Variants in SURF6 observed in about 807,000 individuals in gnomAD.
The protein encoded by SURF6 is surfeit locus protein 6.
In SURF6, 28 loss-of-function variants were observed where a neutral mutation model predicts 37.5. The observed-to-expected ratio is 0.75, with a 90% CI of 0.55 to 1.02. The LOEUF (loss-of-function observed/expected upper bound fraction) is 1.02, where lower values mean the gene tolerates loss of function less well. SURF6 is among the 50% of genes least tolerant of loss of function. The pLI is 0.00. For synonymous variants in SURF6, 248 were observed against 210.9 expected (o/e 1.18, Z -1.52); for missense variants, 560 against 490.5 (o/e 1.14, Z -1.34).
rs1835725023 is a variant in SURF6 at position 133,331,468 on chromosome 9, G to T, written c.*401C>A. On this transcript the variant is annotated 3_prime_UTR_variant, in exon 5 of 5. Coordinates refer to ENST00000372022, the MANE Select transcript of SURF6 (RefSeq NM_006753.6). ...TTCGGGTGAGCTGCGGACTAACGTG[G>T]CCCGGCAGCAGAGGCCACCGTCTTC... 5.3e-6 allele frequency: 1 copy of T among 187,126 alleles called. No individual in the cohort carries two copies. Among genetic ancestry groups the T allele is most frequent in the Non-Finnish European group, 1.1e-5 (1 of 91,968 alleles). The allele number at this position is 187,126 out of a possible 1,614,324, so 11.6% of individuals were successfully genotyped here.
Position 133,329,317 on chromosome 9 carries a change from A to G in SURF6, c.*2552T>C, listed in dbSNP as rs2129902002. On this transcript the variant is annotated 3_prime_UTR_variant, in exon 5 of 5. Coordinates refer to ENST00000372022, the MANE Select transcript of SURF6 (RefSeq NM_006753.6). ...CACAGGGAGACGGTTAGGCCTCCAG[A>G]TAACTGCGGGCAGGCCTGCCGGATG... is the stretch of plus-strand genomic sequence containing the variant. 2.8e-4 allele frequency: 48 copies of G among 172,056 alleles called. 1 individual carries two copies. Among genetic ancestry groups the G allele is most frequent in the Admixed American group, 2.3e-3 (37 of 15,956 alleles). 10.7% of individuals were successfully genotyped at this position (172,056 alleles called of 1,614,324 possible). A position where few individuals can be genotyped will look rare whatever the true frequency, so the allele number is the denominator to read the frequency against.
chr9:133,334,369 C>A, intron 2 of SURF6, 23 bp downstream of exon 2: 1 of 1,599,494 alleles, frequency 6.3e-7, no homozygotes, highest in Non-Finnish European at 8.5e-7. Context: ...TGCACAGAAC[C>A]AACATGCCCT....
rs2129934953 is a variant in SURF6 at position 133,336,173 on chromosome 9, T to A, written c.-41A>T. 4.5e-6 allele frequency: 7 copies of A among 1,555,108 alleles called. No homozygotes were observed. The East Asian group carries it at 1.2e-4, about 26-fold the overall frequency. On this transcript the variant is annotated 5_prime_UTR_variant, in exon 1 of 5. Transcript: ENST00000372022. The stretch of plus-strand genomic sequence containing the variant: ...CGTTCACGACTCACACCTTCCCCGC[T>A]GCGCGTGCGACTCTCACCACCTCCG...
chr9:133,334,125 G>A (rs1835815172), intron 2 of SURF6, among the ~76,000 whole-genome samples: 1 of 152,146 alleles, frequency 6.6e-6, no homozygotes, highest in Non-Finnish European at 1.5e-5. Context: ...TGAGGGCAGG[G>A]AAGCTCTTCA....
At chr9:133,332,440 C>T in intron 4 of SURF6, 92 bp from the exon 5 acceptor site, 1 of 1,534,104 alleles carries the variant, frequency 6.5e-7, no homozygotes, top group Non-Finnish European at 8.7e-7. Context: ...GTCCCCGTCA[C>T]CACCTTACAG....
chr9:133,336,089 G>A lies in SURF6; in HGVS notation c.44C>T (p.Ala15Val). The A allele has an allele frequency of 6.2e-7, 1 of 1,612,874 alleles. No individual in the cohort carries two copies. ...GGCCGAATGGGAGCAGATCTTCTTG[G>A]CCAGGCTCTGCAGGTAGGCGTCCTT... ...LAKDAYLQSLAKKICSHSAPE... is the reference protein window; with the variant it reads ...LAKDAYLQSLVKKICSHSAPE... Residue 15 changes from alanine (A) to valine (V), a missense_variant, in exon 1 of 5, where the codon GCC becomes GTC. By Grantham distance (64) the Ala-to-Val change is moderately conservative (BLOSUM62 0). Coordinates refer to ENST00000372022, the MANE Select transcript of SURF6 (RefSeq NM_006753.6).
Position 133,330,153 on chromosome 9 carries a change from G to A in SURF6, c.*1716C>T, listed in dbSNP as rs2129905254. 7 of 152,204 alleles carry A rather than the reference G, an allele frequency of 4.6e-5. No homozygotes were observed. The highest frequency in any genetic ancestry group is 3.3e-4 in the Admixed American group (5 of 15,284). The allele number at this position is 152,204 out of a possible 1,614,324, so 9.4% of individuals were successfully genotyped here. A position where few individuals can be genotyped will look rare whatever the true frequency, so the allele number is the denominator to read the frequency against. On this transcript the variant is annotated 3_prime_UTR_variant, in exon 5 of 5. Coordinates refer to ENST00000372022, the MANE Select transcript of SURF6 (RefSeq NM_006753.6). Reference sequence around the variant, plus strand: ...AAAAATACAGACATACAGCGTATGTGTGTATAAATGGCACTATTTATCTGT... The same window carrying A: ...AAAAATACAGACATACAGCGTATGTATGTATAAATGGCACTATTTATCTGT...
chr9:133,331,201 G>A lies in SURF6; in HGVS notation c.*668C>T, dbSNP rs1432267617. 6.6e-6 allele frequency: 1 copy of A among 152,154 alleles called. No individual in the cohort carries two copies. The highest frequency in any genetic ancestry group is 1.5e-5 in the Non-Finnish European group (1 of 68,038). The allele number at this position is 152,154 out of a possible 1,614,324, so 9.4% of individuals were successfully genotyped here. On this transcript the variant is annotated 3_prime_UTR_variant, in exon 5 of 5. Coordinates refer to ENST00000372022, the MANE Select transcript of SURF6 (RefSeq NM_006753.6). ...TTCTTTCTCTTTCCCTAGGTCCAAT[G>A]CACTTGACCCAACTCACATGCGTGG...
At position 133,331,884 on chromosome 9, in the gene SURF6, G is replaced by C; in HGVS notation, c.1071C>G (p.Arg357=). The C allele has an allele frequency of 6.6e-7, 1 of 1,517,326 alleles. No individual in the cohort carries two copies. Among genetic ancestry groups the C allele is most frequent in the Non-Finnish European group, 8.7e-7 (1 of 1,144,622 alleles). 94.0% of individuals were successfully genotyped at this position (1,517,326 alleles called of 1,614,324 possible). ...TGGGAAAGACTCAGACCAGGCCTGC[G>C]CGCTCCAGGTCCTGCGGCAGGATGC... ...KGRILPQDLE[R]AGLV The change falls in exon 5 of 5, where the codon CGC becomes CGG. Residue 357 remains arginine (R), a synonymous_variant. Transcript: ENST00000372022.
intron 3 of SURF6, 125 bp from the exon 4 acceptor site, chr9:133,332,885 C>G (rs922721786): frequency 8.9e-6 from 8 of 895,318 alleles, no homozygotes; most frequent in Non-Finnish European, 1.3e-5. Flanking sequence ...ACAAGGGGCC[C>G]GCGGAGTTCA....
chr9:133,332,097 T>G lies in SURF6; in HGVS notation c.858A>C (p.Glu286Asp). The stretch of plus-strand genomic sequence containing the variant: ...GCTTCAGGGCCTCCTGCAGCAGGCG[T>G]TCGTCGTCACGGATCTTCACGCCCT... ...KAEGVKIRDD[E>D]RLLQEALKRK... Residue 286 changes from glutamate (E) to aspartate (D), a missense_variant, in exon 5 of 5, where the codon GAA (glutamate) becomes GAC (aspartate). Transcript: ENST00000372022. 6.2e-7 allele frequency: 1 copy of G among 1,609,204 alleles called. No homozygotes were observed. Among genetic ancestry groups the G allele is most frequent in the Non-Finnish European group, 8.5e-7 (1 of 1,179,912 alleles).
intron 1 of SURF6, 23 bp downstream of exon 1, chr9:133,336,016 C>A (rs1490607695): frequency 1.9e-6 from 3 of 1,604,330 alleles, no homozygotes; most frequent in African/African-American, 2.7e-5. Context: ...GCCCCTTAGT[C>A]CCGGCCCGGC....
intron 1 of SURF6, 129 bp downstream of exon 1, chr9:133,335,910 G>C: frequency 1.4e-6 from 1 of 738,564 alleles, no homozygotes; most frequent in Non-Finnish European, 2.1e-6. Flanking sequence ...AAACAAATAA[G>C]GGAAACGGCG....
At position 133,332,539 on chromosome 9, in the gene SURF6, C is replaced by G. The variant is rs2129918850; in HGVS notation, c.606+9G>C. On this transcript the variant is annotated intron_variant, in intron 4 of 4. Coordinates refer to ENST00000372022, the MANE Select transcript of SURF6 (RefSeq NM_006753.6). ...ACCCAGCCCGCCCAAGGACCCAGCT[C>G]CCGCTCACCTTATTGAAGATCAGCC... 1 of 1,606,300 alleles carries G rather than the reference C, an allele frequency of 6.2e-7. No individual in the cohort carries two copies. The highest frequency in any genetic ancestry group is 8.5e-7 in the Non-Finnish European group (1 of 1,178,524).
chr9:133,335,980 C>T, intron 1 of SURF6, 59 bp downstream of exon 1: 6 of 1,459,246 alleles, frequency 4.1e-6, no homozygotes, highest in Non-Finnish European at 5.7e-6. Context: ...TCTACACCGG[C>T]TCCGGCCGCG....
At chr9:133,334,032 C>T (rs138726486) in intron 2 of SURF6, among the ~76,000 whole-genome samples, 173 of 152,286 alleles carry the variant, frequency 1.1e-3, no homozygotes, top group African/African-American at 3.6e-3. Context: ...ACACTTCCTA[C>T]GGTGCAAGCC....
chr9:133,334,033 G>A (rs188350649), intron 2 of SURF6, among the ~76,000 whole-genome samples: 2 of 152,100 alleles, frequency 1.3e-5, no homozygotes, highest in African/African-American at 2.4e-5. Flanking sequence ...CACTTCCTAC[G>A]GTGCAAGCCA....
chr9:133,332,027 G>C lies in SURF6; in HGVS notation c.928C>G (p.Arg310Gly), dbSNP rs2129914064. The change falls in exon 5 of 5, where the codon CGC becomes GGC. Residue 310 changes from arginine (R) to glycine (G), a missense_variant. Coordinates refer to ENST00000372022, the MANE Select transcript of SURF6 (RefSeq NM_006753.6). Reference protein sequence around the residue: ...RAQRQRRWEKRTAGVVEKMQQ... With the variant: ...RAQRQRRWEKGTAGVVEKMQQ... Reference sequence around the variant, plus strand: ...ATCTTCTCCACCACGCCGGCCGTGCGCTTCTCCCACCGGCGCTGCCGCTGC... The same window carrying C: ...ATCTTCTCCACCACGCCGGCCGTGCCCTTCTCCCACCGGCGCTGCCGCTGC... 16 of 1,601,848 alleles carry C rather than the reference G, an allele frequency of 1.0e-5. No homozygotes were observed. The African/African-American group carries it at 1.3e-4, about 13-fold the overall frequency.
chr9:133,330,867 A>G lies in SURF6; in HGVS notation c.*1002T>C, dbSNP rs1405762723. 2 of 152,142 alleles carry G rather than the reference A, an allele frequency of 1.3e-5. No individual in the cohort carries two copies. The highest frequency in any genetic ancestry group is 1.9e-4 in the East Asian group (1 of 5,204). 9.4% of individuals were successfully genotyped at this position (152,142 alleles called of 1,614,324 possible). On this transcript the variant is annotated 3_prime_UTR_variant, in exon 5 of 5. Transcript: ENST00000372022. Reference sequence around the variant, plus strand: ...TGGAAAGAGTATGTATTCTTTTCAGATACTGTTGTGTCTGTCTCTCAGCTC... The same window carrying G: ...TGGAAAGAGTATGTATTCTTTTCAGGTACTGTTGTGTCTGTCTCTCAGCTC...
Sources: allele counts gnomAD v4.1 joint callset (sites outside exome capture counted in the v4.1 genomes callset), GRCh38; gene constraint gnomAD v4.1.1; transcripts MANE v1.5; gene names NCBI Gene and HGNC (gene_info 2026-07-23, HGNC 2026-07-21).